CLEC16A: variants seen among roughly 807,000 people sequenced by gnomAD.
CLEC16A encodes protein CLEC16A.
In CLEC16A, 51 loss-of-function variants were observed where a neutral mutation model predicts 109.5. The ratio of observed to expected loss-of-function variants is 0.47; its 90% CI spans 0.37 to 0.59. CLEC16A has a LOEUF of 0.59. CLEC16A is among the 20% of genes least tolerant of loss of function. CLEC16A has a pLI of 0.00. For missense variants in CLEC16A, 1,339 were observed against 1,394.0 expected (o/e 0.96, Z 0.63); for synonymous variants, 673 against 564.2 (o/e 1.19, Z -2.73).
chr16:11,038,807 A>G (rs765572472), intron 13 of CLEC16A, among the ~76,000 whole-genome samples: 54 of 151,982 alleles, frequency 3.6e-4, no homozygotes, highest in African/African-American at 1.2e-3. Flanking sequence ...AAAAACTGCA[A>G]TTACTTTTGT....
chr16:11,109,546 T>A lies in CLEC16A; in HGVS notation c.2117-11069T>A, dbSNP rs976774472. Among the ~76,000 whole-genome samples the A allele has an allele frequency of 3.9e-5, 6 of 152,110 alleles. No individual in the cohort carries two copies. The East Asian group carries it at 1.2e-3, about 29-fold the overall frequency. On this transcript the variant is annotated intron_variant, in intron 19 of 23. Coordinates refer to ENST00000409790, the MANE Select transcript of CLEC16A (RefSeq NM_015226.3). The stretch of plus-strand genomic sequence containing the variant: ...GTGAAAGCCAGCAATGCTCAGTGTT[T>A]TTTGCCCTCCCTGCACCACCCACAG...
At position 11,178,687 on chromosome 16, in the gene CLEC16A, C is replaced by G. The variant is rs200068117; in HGVS notation, c.3159C>G (p.Asp1053Glu). Residue 1053 changes from aspartate (D) to glutamate (E), a missense_variant, in exon 24 of 24, where the codon GAC (aspartate) becomes GAG (glutamate). By Grantham distance (45) the Asp-to-Glu change is conservative. Coordinates refer to ENST00000409790, the MANE Select transcript of CLEC16A (RefSeq NM_015226.3). This position sits in a 1 kb window ranked among gnomAD's most constrained non-coding sequence, Gnocchi z 6.5. ...CTGAGCCTGTGGGCACCGCTGAGGACTGAGTCAGTGCCGGGGCCTCCCTTT... is the reference window on the plus strand; with the variant it reads ...CTGAGCCTGTGGGCACCGCTGAGGAGTGAGTCAGTGCCGGGGCCTCCCTTT... ...ACAEPVGTAE[D>E] The G allele has an allele frequency of 6.7e-7, 1 of 1,489,824 alleles. No homozygotes were observed. The highest frequency in any genetic ancestry group is 2.1e-5 in the Admixed American group (1 of 46,920). 92.3% of individuals were successfully genotyped at this position (1,489,824 alleles called of 1,614,324 possible). A position where few individuals can be genotyped will look rare whatever the true frequency, so the allele number is the denominator to read the frequency against.
chr16:11,038,517 CT>C (rs1427023486), intron 13 of CLEC16A, among the ~76,000 whole-genome samples: 1 of 152,170 alleles, frequency 6.6e-6, no homozygotes, highest in African/African-American at 2.4e-5. Context: ...CCTAACAGGT[CT>C]TCTGTCACTG....
At chr16:11,088,593 C>T (rs997122046) in intron 19 of CLEC16A, among the ~76,000 whole-genome samples, 1 of 152,172 alleles carries the variant, frequency 6.6e-6, no homozygotes, top group South Asian at 2.1e-4. Flanking sequence ...TGCACAGCCT[C>T]GGGCAGGAAG....
At chr16:11,130,938 T>C (rs2153046349) in intron 22 of CLEC16A, among the ~76,000 whole-genome samples, 1 of 152,364 alleles carries the variant, frequency 6.6e-6, no homozygotes, top group East Asian at 1.9e-4. Context: ...ATGCCTTTCA[T>C]TTCCTTGGAT....
In CLEC16A at chr16:10,966,350, C is replaced by T. The variant is rs546356163; in HGVS notation, c.344-2811C>T. Among the ~76,000 whole-genome samples, 7 of 152,256 alleles carry T rather than the reference C, an allele frequency of 4.6e-5. No homozygotes were observed. In the South Asian group the frequency reaches 8.3e-4, roughly 18 times the overall value. On this transcript the variant is annotated intron_variant, in intron 3 of 23. Coordinates refer to ENST00000409790, the MANE Select transcript of CLEC16A (RefSeq NM_015226.3). ...GCTTCCATTAGATAAGGTTCATGGA[C>T]AGGCAAAACGAGTCTGATGTGCTAG...
intron 23 of CLEC16A, among the ~76,000 whole-genome samples, chr16:11,169,054 C>T (rs1263745577): frequency 2.6e-5 from 4 of 152,222 alleles, no homozygotes; most frequent in Non-Finnish European, 5.9e-5. Context: ...TCATCCTAAC[C>T]GCCCACTGCC....
rs138004528 is a variant in CLEC16A at position 11,041,932 on chromosome 16, G to A, written c.1661-322G>A. 227 of 256,014 alleles carry A rather than the reference G, an allele frequency of 8.9e-4. 1 individual carries two copies. The highest frequency in any genetic ancestry group is 4.2e-3 in the African/African-American group (188 of 44,934). 15.9% of individuals were successfully genotyped at this position (256,014 alleles called of 1,614,324 possible). ...TCACATGACCCAGAGTGGGACTGGC[G>A]GCTCTCTAAAGGAAGTGGGGGTGCA... On this transcript the variant is annotated intron_variant, in intron 14 of 23. Coordinates refer to ENST00000409790, the MANE Select transcript of CLEC16A (RefSeq NM_015226.3).
intron 11 of CLEC16A, among the ~76,000 whole-genome samples, chr16:11,006,510 A>G (rs2045022800): frequency 6.6e-6 from 1 of 152,108 alleles, no homozygotes; most frequent in South Asian, 2.1e-4. Context: ...AGATCCACGG[A>G]CTTATCGACA....
chr16:10,998,461 ACCT>A (rs1174673423), intron 10 of CLEC16A, among the ~76,000 whole-genome samples: 2 of 152,284 alleles, frequency 1.3e-5, no homozygotes, highest in Non-Finnish European at 1.5e-5. Context: ...GGACATGTAG[ACCT>A]TCTTTGCAGA....
intron 7 of CLEC16A, among the ~76,000 whole-genome samples, chr16:10,975,948 A>T (rs2043013021): frequency 6.6e-6 from 1 of 151,988 alleles, no homozygotes; most frequent in African/African-American, 2.4e-5. Context: ...CACTGCACCC[A>T]GCTGAAATAT....
intron 19 of CLEC16A, among the ~76,000 whole-genome samples, chr16:11,090,102 A>G (rs1426934980): frequency 6.6e-6 from 1 of 152,034 alleles, no homozygotes; most frequent in Non-Finnish European, 1.5e-5. Flanking sequence ...TTCTCCACCA[A>G]ACACTCCATT....
intron 11 of CLEC16A, among the ~76,000 whole-genome samples, chr16:11,015,449 C>T (rs948180756): frequency 6.6e-6 from 1 of 152,098 alleles, no homozygotes; most frequent in Non-Finnish European, 1.5e-5. Context: ...TTGGACCAGA[C>T]GGTGGTTTTC....
At position 11,181,382 on chromosome 16, in the gene CLEC16A, AGCCCCCACAGACCCATCCGGCCC is replaced by A. The variant is rs946591311; in HGVS notation, c.*2699_*2721del. ...GTCATAGCCTCAGAGGTCTGAGGTC[AGCCCCCACAGACCCATCCGGCCC>A]GCCCCCCAAGTCCCTGCAGAGAGCA... On this transcript the variant is annotated 3_prime_UTR_variant, in exon 24 of 24. Transcript: ENST00000409790. 33 of 152,378 alleles carry A rather than the reference AGCCCCCACAGACCCATCCGGCCC, an allele frequency of 2.2e-4. No homozygotes were observed. Among genetic ancestry groups the A allele is most frequent in the African/African-American group, 7.7e-4 (32 of 41,470 alleles). The allele number at this position is 152,378 out of a possible 1,614,324, so 9.4% of individuals were successfully genotyped here.
rs140651076 is a variant in CLEC16A at position 11,139,209 on chromosome 16, C to T, written c.2641+13063C>T. Among the ~76,000 whole-genome samples the T allele has an allele frequency of 3.1e-3, 473 of 152,198 alleles. 3 individuals are homozygous for T. The highest frequency in any genetic ancestry group is 0.011 in the African/African-American group (451 of 41,534). ...GTCCCCAGGAACTGGTGGGGGTCTC[C>T]GGGGTGGCCCACTCATAGCTTGGCT... On this transcript the variant is annotated intron_variant, in intron 22 of 23. Transcript: ENST00000409790.
chr16:11,079,770 C>G (rs2049596876), intron 19 of CLEC16A, among the ~76,000 whole-genome samples: 1 of 152,210 alleles, frequency 6.6e-6, no homozygotes, highest in Non-Finnish European at 1.5e-5. Context: ...AAACTCGACT[C>G]TCTCCCAGCT....
intron 13 of CLEC16A, chr16:11,027,317 C>T (rs776982603): frequency 2.1e-5 from 31 of 1,453,132 alleles, no homozygotes; most frequent in Middle Eastern, 3.5e-4. Flanking sequence ...GGATTGATGG[C>T]GTGAGTTTAC....
intron 19 of CLEC16A, among the ~76,000 whole-genome samples, chr16:11,100,708 G>T (rs531262228): frequency 1.4e-4 from 21 of 152,280 alleles, no homozygotes; most frequent in Admixed American, 1.4e-3. Context: ...TGCCTGGGCT[G>T]GGTGGTTTTG....
Position 10,980,692 on chromosome 16 carries a change from A to G in CLEC16A, c.957+1310A>G, listed in dbSNP as rs186784154. Among the ~76,000 whole-genome samples the G allele has an allele frequency of 1.6e-3, 240 of 152,262 alleles. 1 individual carries two copies. The highest frequency in any genetic ancestry group is 5.6e-3 in the African/African-American group (231 of 41,562). Reference sequence around the variant, plus strand: ...TTACTTGTTTCAGTATCTCACAGAAAACATAGCTTGTAATTCATTGTTCCT... The same window carrying G: ...TTACTTGTTTCAGTATCTCACAGAAGACATAGCTTGTAATTCATTGTTCCT... On this transcript the variant is annotated intron_variant, in intron 9 of 23. Transcript: ENST00000409790.
Sources: allele counts gnomAD v4.1 joint callset (sites outside exome capture counted in the v4.1 genomes callset), GRCh38; gene constraint gnomAD v4.1.1; non-coding constraint Gnocchi (gnomAD v3.1); transcripts MANE v1.5; gene names NCBI Gene and HGNC (gene_info 2026-07-23, HGNC 2026-07-21).